Variants in RALGPS2 observed in about 807,000 individuals in gnomAD.
The protein encoded by RALGPS2 is ras-specific guanine nucleotide-releasing factor RalGPS2.
In RALGPS2, 43 loss-of-function variants were observed where a neutral mutation model predicts 86.8. That is an observed-to-expected ratio of 0.50 (90% CI 0.39 to 0.64). RALGPS2 has a LOEUF of 0.64. Ranked by LOEUF, RALGPS2 falls within the 30% of genes least tolerant of loss-of-function variation. The pLI is 0.00. For synonymous variants in RALGPS2, 243 were observed against 231.3 expected (o/e 1.05, Z -0.46); for missense variants, 536 against 694.6 (o/e 0.77, Z 2.57).
chr1:178,871,933 A>T (rs1180214549), intron 8 of RALGPS2, among the ~76,000 whole-genome samples: 1 of 152,232 alleles, frequency 6.6e-6, no homozygotes, highest in Admixed American at 6.5e-5. Flanking sequence ...GTTGAGTACA[A>T]CTATACTATT....
At chr1:178,749,634 G>T (rs1347113881) in intron 1 of RALGPS2, among the ~76,000 whole-genome samples, 2 of 152,126 alleles carry the variant, frequency 1.3e-5, no homozygotes. Flanking sequence ...AGTAACACTT[G>T]GGATTTTGTA....
At chr1:178,883,708 G>A (rs551465349) in intron 11 of RALGPS2, among the ~76,000 whole-genome samples, 175 bp downstream of exon 11, 6 of 151,352 alleles carry the variant, frequency 4.0e-5, no homozygotes, top group South Asian at 2.1e-4. Context: ...GTTGCTGGCC[G>A]GGCAGGGTGG....
chr1:178,874,332 A>T (rs1351920949), intron 8 of RALGPS2, among the ~76,000 whole-genome samples: 1 of 152,142 alleles, frequency 6.6e-6, no homozygotes, highest in African/African-American at 2.4e-5. Context: ...TTTCATGTTA[A>T]CTCTTCAAAA....
intron 3 of RALGPS2, among the ~76,000 whole-genome samples, chr1:178,784,944 AATTT>A (rs1240531982): frequency 3.3e-5 from 5 of 151,950 alleles, no homozygotes; most frequent in African/African-American, 9.7e-5. Flanking sequence ...TCTTAATATA[AATTT>A]ATTTGTTTTC....
At chr1:178,882,446 TAAAAAG>T (rs978534627) in intron 10 of RALGPS2, among the ~76,000 whole-genome samples, 3 of 152,190 alleles carry the variant, frequency 2.0e-5, no homozygotes, top group African/African-American at 4.8e-5. Flanking sequence ...AACATCTTCA[TAAAAAG>T]AAAAAGTCTG....
chr1:178,739,975 C>T (rs1049527902), intron 1 of RALGPS2, among the ~76,000 whole-genome samples: 3 of 152,172 alleles, frequency 2.0e-5, no homozygotes, highest in African/African-American at 7.2e-5. Context: ...CTACTTCTAA[C>T]TCTGAGCGGT....
chr1:178,798,217 C>T (rs1023595252), intron 4 of RALGPS2, among the ~76,000 whole-genome samples: 1 of 152,146 alleles, frequency 6.6e-6, no homozygotes, highest in African/African-American at 2.4e-5. Flanking sequence ...CATAAAGATG[C>T]AGTATTAAGT....
chr1:178,900,880 G>A (rs1483162837), intron 17 of RALGPS2, among the ~76,000 whole-genome samples: 2 of 152,070 alleles, frequency 1.3e-5, no homozygotes, highest in African/African-American at 2.4e-5. Context: ...TGTTTCTGAA[G>A]CAGTTTATGT....
At chr1:178,890,680 C>T (rs1318455511) in intron 14 of RALGPS2, among the ~76,000 whole-genome samples, 6 of 151,808 alleles carry the variant, frequency 4.0e-5, no homozygotes, top group Non-Finnish European at 8.8e-5. Context: ...ATAAAGATTT[C>T]TCACTATTAT....
chr1:178,825,827 A>G (rs1283829631), intron 7 of RALGPS2, among the ~76,000 whole-genome samples: 2 of 152,158 alleles, frequency 1.3e-5, no homozygotes, highest in Non-Finnish European at 2.9e-5. Context: ...ACAGGCATAG[A>G]TTTTCACCAT....
chr1:178,786,468 A>G (rs1653653135), intron 4 of RALGPS2, among the ~76,000 whole-genome samples: 3 of 152,020 alleles, frequency 2.0e-5, no homozygotes, highest in African/African-American at 7.2e-5. Flanking sequence ...TCTAATGAAA[A>G]CAAAGGGACT....
intron 1 of RALGPS2, among the ~76,000 whole-genome samples, chr1:178,742,867 A>G (rs915360438): frequency 5.3e-5 from 8 of 152,226 alleles, no homozygotes; most frequent in Non-Finnish European, 7.3e-5. Flanking sequence ...CAAGGAAGAG[A>G]TCAAAAGGGA....
chr1:178,766,268 C>G (rs1287220199), intron 1 of RALGPS2, among the ~76,000 whole-genome samples: 1 of 152,154 alleles, frequency 6.6e-6, no homozygotes, highest in Non-Finnish European at 1.5e-5. Context: ...GGGTCCCTGA[C>G]TTCCTGCAAC....
chr1:178,738,203 CTTTTTTTTTT>C (rs1051296802), intron 1 of RALGPS2, among the ~76,000 whole-genome samples: 6 of 110,744 alleles, frequency 5.4e-5, no homozygotes, highest in Non-Finnish European at 7.2e-5. Context: ...AGATGGATAT[CTTTTTTTTTT>C]TTTTTTTTTT....
At chr1:178,864,675 T>C (rs1470571620) in intron 8 of RALGPS2, among the ~76,000 whole-genome samples, 2 of 152,180 alleles carry the variant, frequency 1.3e-5, no homozygotes, top group East Asian at 1.9e-4. Context: ...CATGTACTTA[T>C]TCCTGTCTCA....
At chr1:178,906,040 T>C (rs1274289349) in intron 18 of RALGPS2, among the ~76,000 whole-genome samples, 1 of 152,206 alleles carries the variant, frequency 6.6e-6, no homozygotes, top group Non-Finnish European at 1.5e-5. Context: ...ATTAAACATA[T>C]TGAAGCATTC....
chr1:178,826,189 A>C (rs533781965), intron 7 of RALGPS2, among the ~76,000 whole-genome samples: 1 of 152,340 alleles, frequency 6.6e-6, no homozygotes, highest in East Asian at 1.9e-4. Flanking sequence ...AAGAGCATCA[A>C]GGAAAAGGAT....
intron 8 of RALGPS2, among the ~76,000 whole-genome samples, chr1:178,858,801 A>G (rs1657762397): frequency 6.6e-6 from 1 of 152,226 alleles, no homozygotes; most frequent in Non-Finnish European, 1.5e-5. Flanking sequence ...CACACTTTGA[A>G]TAGCAGCTTT....
Position 178,892,325 on chromosome 1 carries a change from T to C in RALGPS2, c.1325+18T>C. On this transcript the variant is annotated intron_variant, in intron 15 of 19. Coordinates refer to ENST00000367635, the MANE Select transcript of RALGPS2 (RefSeq NM_152663.5). ...GCCAGCAGGTACAATTCCCCTGCAT[T>C]CAGGGGTCACAGAACTCCCTTATGG... The C allele has an allele frequency of 1.2e-6, 2 of 1,604,952 alleles. No homozygotes were observed. The highest frequency in any genetic ancestry group is 1.1e-5 in the South Asian group (1 of 90,890).
Sources: gnomAD v4.1 joint callset for allele counts (sites outside exome capture counted in the v4.1 genomes callset) on GRCh38, gnomAD v4.1.1 for gene constraint, MANE v1.5 for transcripts, NCBI Gene and HGNC (gene_info 2026-07-23, HGNC 2026-07-21) for gene names.